Variants in CACNA2D1 observed in about 807,000 individuals in gnomAD.
The protein encoded by CACNA2D1 is voltage-dependent calcium channel subunit alpha-2/delta-1.
In CACNA2D1, 53 loss-of-function variants were observed where a neutral mutation model predicts 171.5. That is an observed-to-expected ratio of 0.31 (90% CI 0.25 to 0.39). CACNA2D1 has a LOEUF of 0.39. Among genes scored for constraint, CACNA2D1 ranks in the 10% least tolerant of loss-of-function variants. The probability of loss-of-function intolerance (pLI) is 1.00; values close to 1 mark genes in which losing one functional copy is unlikely to be tolerated. For synonymous variants in CACNA2D1, 442 were observed against 443.1 expected (o/e 1.00, Z 0.03); for missense variants, 903 against 1,299.8 (o/e 0.69, Z 4.69).
intron 1 of CACNA2D1, among the ~76,000 whole-genome samples, chr7:82,373,286 G>T (rs1822625944): frequency 1.3e-5 from 2 of 152,094 alleles, no homozygotes; most frequent in Admixed American, 1.3e-4. Flanking sequence ...TCTTCTAATT[G>T]AGGTTACTAA....
At chr7:82,417,583 A>C (rs1162888362) in intron 1 of CACNA2D1, among the ~76,000 whole-genome samples, 1 of 152,242 alleles carries the variant, frequency 6.6e-6, no homozygotes, top group Non-Finnish European at 1.5e-5. Flanking sequence ...GGGTCAATTT[A>C]CTATGCAGAT....
rs769849031 is a variant in CACNA2D1, at chr7:81,962,422, G to T, written c.2836+18C>A. 12 of 1,585,252 alleles carry T rather than the reference G, an allele frequency of 7.6e-6. No individual in the cohort carries two copies. The highest frequency in any genetic ancestry group is 1.0e-5 in the Non-Finnish European group (12 of 1,157,618). On this transcript the variant is annotated intron_variant, in intron 35 of 38. Transcript: ENST00000356860. ...TTTTTATTGTTATGGCAATGACAAG[G>T]TCTGAGCATTTACATACCTGCCTCA...
chr7:82,297,072 C>CAAAAAAAAAAAAAAAAAAA lies in CACNA2D1; in HGVS notation c.294+38044_294+38062dup, dbSNP rs57473351. 2.2e-4 allele frequency among the ~76,000 whole-genome samples: 16 copies of CAAAAAAAAAAAAAAAAAAA among 72,228 alleles called. 1 individual carries two copies. Among genetic ancestry groups the CAAAAAAAAAAAAAAAAAAA allele is most frequent in the Non-Finnish European group, 2.0e-4 (8 of 40,430 alleles). 47.4% of individuals were successfully genotyped at this position (72,228 alleles called of 152,430 possible). On this transcript the variant is annotated intron_variant, in intron 3 of 38. Transcript: ENST00000356860. Reference sequence around the variant, plus strand: ...AAACATAGTGAGGCTCTGTGTCTACCAAAAAAAAAAAAAAAAAAAAAAAAA... The same window carrying CAAAAAAAAAAAAAAAAAAA: ...AAACATAGTGAGGCTCTGTGTCTACCAAAAAAAAAAAAAAAAAAAAAAAAAAAAAAAAAAAAAAAAAAAA...
chr7:82,012,361 A>T, intron 14 of CACNA2D1, 118 bp from the exon 15 acceptor site: 1 of 688,034 alleles, frequency 1.5e-6, no homozygotes. Flanking sequence ...AAAATTATTG[A>T]CACTGAATAT....
Position 82,038,113 on chromosome 7 carries a change from C to T in CACNA2D1, c.1002G>A (p.Lys334=). 1 of 1,613,760 alleles carries T rather than the reference C, an allele frequency of 6.2e-7. No homozygotes were observed. The highest frequency in any genetic ancestry group is 1.1e-5 in the South Asian group (1 of 91,082). Residue 334 remains lysine (K), a synonymous_variant, in exon 11 of 39, where the codon AAG becomes AAA. Transcript: ENST00000356860. ...NITAKGITDY[K]KGFSFAFEQL... ...GTTCAAAAGCAAAACTAAAGCCCTT[C>T]TTATAATCTGTAATTCCTTTGGCTG...
intron 1 of CACNA2D1, among the ~76,000 whole-genome samples, chr7:82,405,639 TA>T (rs941513396): frequency 6.6e-6 from 1 of 152,252 alleles, no homozygotes; most frequent in Non-Finnish European, 1.5e-5. Flanking sequence ...ACTTACATAT[TA>T]AAAAAATGCA....
intron 1 of CACNA2D1, among the ~76,000 whole-genome samples, chr7:82,435,480 A>T (rs926782053): frequency 4.2e-4 from 64 of 152,286 alleles, no homozygotes; most frequent in African/African-American, 1.3e-3. Context: ...ATGACACATG[A>T]TCTACATGTT....
rs1174947156 is a variant in CACNA2D1 at position 81,946,943 on chromosome 7, T to C, written c.*3449A>G. On this transcript the variant is annotated 3_prime_UTR_variant, in exon 39 of 39. Coordinates refer to ENST00000356860, the MANE Select transcript of CACNA2D1 (RefSeq NM_000722.4). Reference sequence around the variant, plus strand: ...TACTGTGAATATTGACATTCTGCTATGGGAAACAATACAAGTTTAGATGAA... The same window carrying C: ...TACTGTGAATATTGACATTCTGCTACGGGAAACAATACAAGTTTAGATGAA... The C allele has an allele frequency of 3.3e-5, 5 of 152,092 alleles. No individual in the cohort carries two copies. The highest frequency in any genetic ancestry group is 2.1e-4 in the South Asian group (1 of 4,822). 9.4% of individuals were successfully genotyped at this position (152,092 alleles called of 1,614,324 possible).
chr7:82,014,637 G>GA (rs1486539019), intron 12 of CACNA2D1, among the ~76,000 whole-genome samples, 158 bp from the exon 13 acceptor site: 5 of 152,136 alleles, frequency 3.3e-5, no homozygotes, highest in Non-Finnish European at 5.9e-5. Flanking sequence ...GAGACCAGAG[G>GA]AAAATCACAT....
Position 82,040,355 on chromosome 7 carries a change from A to C in CACNA2D1, c.880-2120T>G, listed in dbSNP as rs1803786073. Among the ~76,000 whole-genome samples the C allele has an allele frequency of 4.7e-5, 7 of 149,720 alleles. No homozygotes were observed. The South Asian group carries it at 1.5e-3, about 32-fold the overall frequency. On this transcript the variant is annotated intron_variant, in intron 10 of 38. Transcript: ENST00000356860. ...GAAGCACAGAGTTCAATTTAGGGTG[A>C]GGTTTCAATACATGTGAGATATGCA...
chr7:82,005,758 A>C lies in CACNA2D1; in HGVS notation c.1515+7T>G, dbSNP rs750788302. On this transcript the variant is annotated splice_region_variant and intron_variant, in intron 17 of 38. Coordinates refer to ENST00000356860, the MANE Select transcript of CACNA2D1 (RefSeq NM_000722.4). ...AAAGGGTATCAAAAGAGCAAATTTC[A>C]TCTTACTGTAAAACGTGGTGTCAGT... 2 of 1,567,510 alleles carry C rather than the reference A, an allele frequency of 1.3e-6. No homozygotes were observed. Among genetic ancestry groups the C allele is most frequent in the Admixed American group, 3.3e-5 (2 of 59,936 alleles).
At chr7:82,259,893 G>A (rs39741) in intron 3 of CACNA2D1, among the ~76,000 whole-genome samples, 13,732 of 152,212 alleles carry the variant, frequency 0.09, 682 homozygotes, top group Middle Eastern at 0.15. Context: ...AATTATAGTA[G>A]GTATGTTGTA....
At chr7:82,399,388 C>G (rs573997773) in intron 1 of CACNA2D1, among the ~76,000 whole-genome samples, 1 of 151,052 alleles carries the variant, frequency 6.6e-6, no homozygotes, top group East Asian at 2.0e-4. Flanking sequence ...TGCAGTGAGC[C>G]GAGATCGCTC....
At chr7:82,038,011 G>A in intron 11 of CACNA2D1, 66 bp downstream of exon 11, 1 of 1,480,136 alleles carries the variant, frequency 6.8e-7, no homozygotes, top group Non-Finnish European at 9.4e-7. Context: ...GTAACTATCA[G>A]AATATTGAAA....
At position 82,145,332 on chromosome 7, in the gene CACNA2D1, TATATA is replaced by T. The variant is rs1274573786; in HGVS notation, c.355-8661_355-8657del. Among the ~76,000 whole-genome samples the T allele has an allele frequency of 2.8e-5, 4 of 144,970 alleles. No homozygotes were observed. The East Asian group carries it at 5.9e-4, about 21-fold the overall frequency. ...TAAAATATAAATTATATATAAATTG[TATATA>T]ATATATAATTTATATATTATATATT... On this transcript the variant is annotated intron_variant, in intron 4 of 38. Coordinates refer to ENST00000356860, the MANE Select transcript of CACNA2D1 (RefSeq NM_000722.4).
intron 5 of CACNA2D1, among the ~76,000 whole-genome samples, chr7:82,129,059 A>C (rs1045801273): frequency 1.4e-4 from 22 of 152,086 alleles, no homozygotes; most frequent in African/African-American, 5.1e-4. Flanking sequence ...GCCTTACTAT[A>C]TATGTAACTT....
chr7:82,377,386 T>C (rs1563454965), intron 1 of CACNA2D1, among the ~76,000 whole-genome samples: 1 of 152,212 alleles, frequency 6.6e-6, no homozygotes, highest in Non-Finnish European at 1.5e-5. Flanking sequence ...TTGTCCCCTA[T>C]TTTATTTTCA....
At chr7:82,179,914 T>C (rs533262741) in intron 3 of CACNA2D1, among the ~76,000 whole-genome samples, 14 of 127,730 alleles carry the variant, frequency 1.1e-4, no homozygotes, top group African/African-American at 3.9e-4. Flanking sequence ...AAATATTACA[T>C]ACACCTGAGA....
intron 1 of CACNA2D1, among the ~76,000 whole-genome samples, chr7:82,366,780 T>C (rs889963450): frequency 1.3e-5 from 2 of 152,090 alleles, no homozygotes; most frequent in African/African-American, 4.8e-5. Flanking sequence ...CTGTTTTAAG[T>C]TCTTTGAGAA....
Sources: allele counts gnomAD v4.1 joint callset (sites outside exome capture counted in the v4.1 genomes callset), GRCh38; gene constraint gnomAD v4.1.1; transcripts MANE v1.5; gene names NCBI Gene and HGNC (gene_info 2026-07-23, HGNC 2026-07-21).